The following KCNJ6 variants were observed in gnomAD, a reference collection of about 807,000 sequenced individuals.
KCNJ6 encodes potassium inwardly rectifying channel subfamily J member 6.
A neutral mutation model predicts 34.2 loss-of-function variants in KCNJ6; 9 were observed. That is an observed-to-expected ratio of 0.26 (90% CI 0.16 to 0.46). The LOEUF (loss-of-function observed/expected upper bound fraction) is 0.46. Ranked by LOEUF, KCNJ6 falls within the 20% of genes least tolerant of loss-of-function variation. The pLI, the probability that KCNJ6 is intolerant of heterozygous loss-of-function variation, is 1.00. For synonymous variants in KCNJ6, 196 were observed against 207.1 expected (o/e 0.95, Z 0.46); for missense variants, 236 against 531.3 (o/e 0.44, Z 5.46).
chr21:37,745,762 A>C (rs1013150453), intron 2 of KCNJ6, among the ~76,000 whole-genome samples: 1 of 152,198 alleles, frequency 6.6e-6, no homozygotes, highest in Non-Finnish European at 1.5e-5. Context: ...AGCTGGGTAC[A>C]GGGGTGAATA....
At chr21:37,684,677 A>AG (rs1440061127) in intron 3 of KCNJ6, among the ~76,000 whole-genome samples, 4 of 152,362 alleles carry the variant, frequency 2.6e-5, no homozygotes, top group Non-Finnish European at 5.9e-5. Flanking sequence ...ACAAAGCTGA[A>AG]GACCACTTAA....
Position 37,617,064 on chromosome 21 carries a change from TTTC to T in KCNJ6, c.*8092_*8094del, listed in dbSNP as rs2054273145. On this transcript the variant is annotated 3_prime_UTR_variant, in exon 4 of 4. Coordinates refer to ENST00000609713, the MANE Select transcript of KCNJ6 (RefSeq NM_002240.5). ...TCTTTCTTTCTTTCTTTTCTTTTCT[TTTC>T]TTTTCTTTTCTTTCTTTTTCTTTCT... The T allele has an allele frequency of 2.2e-4, 17 of 78,102 alleles. 1 individual carries two copies. The South Asian group carries it at 8.0e-3, about 37-fold the overall frequency. 4.8% of individuals were successfully genotyped at this position (78,102 alleles called of 1,614,324 possible).
intron 2 of KCNJ6, among the ~76,000 whole-genome samples, chr21:37,731,100 A>AGTGTGTGTGTGTGTGTGTGTGTGT (rs113587330): frequency 7.4e-6 from 1 of 134,674 alleles, no homozygotes; most frequent in African/African-American, 2.5e-5. Context: ...AGATGAGAGA[A>AGTGTGTGTGTGTGTGTGTGTGTGT]GTGTGTGTGT....
intron 2 of KCNJ6, among the ~76,000 whole-genome samples, chr21:37,833,196 GT>G (rs897832354): frequency 2.6e-5 from 4 of 151,974 alleles, no homozygotes; most frequent in African/African-American, 9.7e-5. Context: ...TGTATTTTTA[GT>G]GGAGACGGGG....
chr21:37,768,173 C>T (rs1166284731), intron 2 of KCNJ6, among the ~76,000 whole-genome samples: 2 of 150,738 alleles, frequency 1.3e-5, no homozygotes, highest in East Asian at 3.9e-4. Context: ...GTTTGTCCTT[C>T]CCAAGCTGCC....
intron 2 of KCNJ6, among the ~76,000 whole-genome samples, chr21:37,776,777 G>A (rs1368322913): frequency 6.6e-6 from 1 of 152,090 alleles, no homozygotes; most frequent in African/African-American, 2.4e-5. Flanking sequence ...TTTTTGTATC[G>A]ATGTTCATCA....
chr21:37,627,605 T>C (rs1243415105), intron 3 of KCNJ6, among the ~76,000 whole-genome samples: 3 of 152,070 alleles, frequency 2.0e-5, no homozygotes, highest in Non-Finnish European at 2.9e-5. Context: ...TTGGGGAAAA[T>C]AGCAAGCTAA....
chr21:37,663,393 A>T (rs967813240), intron 3 of KCNJ6, among the ~76,000 whole-genome samples: 7 of 152,152 alleles, frequency 4.6e-5, no homozygotes, highest in African/African-American at 1.7e-4. Flanking sequence ...GTGAGCAAAA[A>T]AGTTGAAGAC....
chr21:37,794,595 A>C (rs1390467834), intron 2 of KCNJ6, among the ~76,000 whole-genome samples: 1 of 152,210 alleles, frequency 6.6e-6, no homozygotes. Flanking sequence ...AACCTTTTAA[A>C]AAAATTCTTT....
intron 1 of KCNJ6, among the ~76,000 whole-genome samples, chr21:37,894,125 G>A (rs567834178): frequency 4.2e-4 from 64 of 152,326 alleles, no homozygotes; most frequent in African/African-American, 1.4e-3. Flanking sequence ...AGCAAGCTTA[G>A]TTCTAGAAGC....
rs144421658 is a variant in KCNJ6 at position 37,697,907 on chromosome 21, G to A, written c.946+16304C>T. 7.4e-4 allele frequency among the ~76,000 whole-genome samples: 112 copies of A among 152,310 alleles called. 1 individual carries two copies. In the East Asian group the frequency reaches 0.021, roughly 28 times the overall value. On this transcript the variant is annotated intron_variant, in intron 3 of 3. Coordinates refer to ENST00000609713, the MANE Select transcript of KCNJ6 (RefSeq NM_002240.5). ...ACAAAGAGAGTCTCTTTTGGAGTGG[G>A]TGGAGTTTGGGACCTTTAACGTTCA... is the stretch of plus-strand genomic sequence containing the variant.
At chr21:37,757,860 TC>T (rs1243763622) in intron 2 of KCNJ6, among the ~76,000 whole-genome samples, 2 of 152,238 alleles carry the variant, frequency 1.3e-5, no homozygotes, top group Non-Finnish European at 2.9e-5. Context: ...GAAATCCAAT[TC>T]CCACAAAATG....
chr21:37,773,245 C>T (rs1040048446), intron 2 of KCNJ6, among the ~76,000 whole-genome samples: 2 of 152,200 alleles, frequency 1.3e-5, no homozygotes, highest in African/African-American at 4.8e-5. Context: ...GGCTTCACGG[C>T]ATAGCAGGAG....
At chr21:37,913,059 A>G (rs142694750) in intron 1 of KCNJ6, among the ~76,000 whole-genome samples, 53 of 152,340 alleles carry the variant, frequency 3.5e-4, no homozygotes, top group African/African-American at 1.3e-3. Flanking sequence ...TAACACCTGG[A>G]TGGCACTCTG....
chr21:37,891,545 A>C (rs544341537), intron 1 of KCNJ6, among the ~76,000 whole-genome samples: 3 of 152,232 alleles, frequency 2.0e-5, no homozygotes, highest in Non-Finnish European at 1.5e-5. Flanking sequence ...ACAAAGTTAA[A>C]AAAATCCCTT....
rs376267192 is a variant in KCNJ6 at position 37,764,383 on chromosome 21, C to CTTTTT, written c.26-49257_26-49253dup. The stretch of plus-strand genomic sequence containing the variant: ...TGGAAGAAAAATTTGAAGATATTTA[C>CTTTTT]TTTTTTTTTTTTTTTAAGACAGTTT... On this transcript the variant is annotated intron_variant, in intron 2 of 3. Transcript: ENST00000609713. 2.3e-3 allele frequency among the ~76,000 whole-genome samples: 341 copies of CTTTTT among 145,124 alleles called. 3 individuals carry two copies. Among genetic ancestry groups the CTTTTT allele is most frequent in the African/African-American group, 7.2e-3 (282 of 39,058 alleles).
chr21:37,846,353 CTGTGTGTG>C (rs55697215), intron 1 of KCNJ6, among the ~76,000 whole-genome samples: 2,464 of 144,984 alleles, frequency 0.017, 31 homozygotes, highest in African/African-American at 0.028. Context: ...CTGAGACACT[CTGTGTGTG>C]TGTGTGTGTG....
chr21:37,788,734 A>T (rs963015263), intron 2 of KCNJ6, among the ~76,000 whole-genome samples: 1 of 152,196 alleles, frequency 6.6e-6, no homozygotes, highest in Non-Finnish European at 1.5e-5. Flanking sequence ...CGTGGAGCAG[A>T]GATAAGCCAT....
At chr21:37,646,672 A>AT (rs1485733431) in intron 3 of KCNJ6, among the ~76,000 whole-genome samples, 1 of 111,466 alleles carries the variant, frequency 9.0e-6, no homozygotes, top group African/African-American at 4.4e-5. Flanking sequence ...TTTTTAAATT[A>AT]TTTTTATTTT....
Sources: allele counts gnomAD v4.1 joint callset (sites outside exome capture counted in the v4.1 genomes callset), GRCh38; gene constraint gnomAD v4.1.1; transcripts MANE v1.5; gene names NCBI Gene and HGNC (gene_info 2026-07-23, HGNC 2026-07-21).